Variants in PRKD3 observed in about 807,000 individuals in gnomAD.
PRKD3 encodes the protein serine/threonine-protein kinase D3.
A neutral mutation model predicts 99.2 loss-of-function variants in PRKD3; 47 were observed. The ratio of observed to expected loss-of-function variants is 0.47; its 90% confidence interval spans 0.38 to 0.60. PRKD3 has a LOEUF of 0.60. PRKD3 is among the 20% of genes least tolerant of loss of function. The probability of loss-of-function intolerance (pLI) is 0.00; values close to 1 mark genes in which losing one functional copy is unlikely to be tolerated. For missense variants in PRKD3, 1,019 were observed against 1,088.4 expected (o/e 0.94, Z 0.90); for synonymous variants, 392 against 355.4 (o/e 1.10, Z -1.16).
At chr2:37,318,851 C>T (rs144647077) in intron 1 of PRKD3, among the ~76,000 whole-genome samples, 291 of 152,230 alleles carry the variant, frequency 1.9e-3, no homozygotes, top group Middle Eastern at 3.4e-3. Flanking sequence ...ATTTGTAGAG[C>T]GGTTTCAAGT....
chr2:37,324,168 G>T (rs555190680), intron 1 of PRKD3: 1 of 985,224 alleles, frequency 1.0e-6, no homozygotes, highest in Admixed American at 6.1e-5. Flanking sequence ...GGGGCGAGGG[G>T]CTTACATTCT....
At position 37,279,829 on chromosome 2, in the gene PRKD3, T is replaced by C. The variant is rs1248086894; in HGVS notation, c.1089A>G (p.Pro363=). 4 of 1,613,840 alleles carry C rather than the reference T, an allele frequency of 2.5e-6. No individual in the cohort carries two copies. The highest frequency in any genetic ancestry group is 3.4e-6 in the Non-Finnish European group (4 of 1,179,900). Residue 363 remains proline (P), a synonymous_variant, in exon 8 of 19, where the codon CCA becomes CCG. Coordinates refer to ENST00000234179, the MANE Select transcript of PRKD3 (RefSeq NM_005813.6). ...AGAACATCTTATCTTCTGGGGGTGA[T>C]GGCTCTTCTGTGTCATCCAAACCCC... ...SSRGLDDTEE[P]SPPEDKMFFL... is the part of the protein sequence containing the mutation.
intron 11 of PRKD3, among the ~76,000 whole-genome samples, chr2:37,273,992 T>C (rs1669434735): frequency 6.6e-6 from 1 of 152,260 alleles, no homozygotes; most frequent in Non-Finnish European, 1.5e-5. Context: ...CTTTATTGCC[T>C]GTTTATATCC....
Position 37,267,516 on chromosome 2 carries a change from T to A in PRKD3, c.1798A>T (p.Arg600Trp). 1 of 1,608,704 alleles carries A rather than the reference T, an allele frequency of 6.2e-7. No homozygotes were observed. Among genetic ancestry groups the A allele is most frequent in the South Asian group, 1.1e-5 (1 of 90,150 alleles). Residue 600 changes from arginine (R) to tryptophan (W), a missense_variant, in exon 14 of 19, where the codon AGG becomes TGG. Arg to Trp is a moderately radical substitution (Grantham distance 101). Transcript: ENST00000234179. Reference sequence around the variant, plus strand: ...TCAATTACTTTAATAGCCACATCCCTCCCAGTCTTTCTATGTTTTCCTATT... The same window carrying A: ...TCAATTACTTTAATAGCCACATCCCACCCAGTCTTTCTATGTTTTCCTATT... ...VYGGKHRKTG[R>W]DVAIKVIDKM...
At chr2:37,320,421 G>C (rs115751764) in intron 1 of PRKD3, among the ~76,000 whole-genome samples, 1 of 128,698 alleles carries the variant, frequency 7.8e-6, no homozygotes, top group Non-Finnish European at 1.6e-5. Flanking sequence ...GCAAGTTAAC[G>C]ACTTTTTTTT....
At chr2:37,307,707 G>C (rs6733861) in intron 2 of PRKD3, among the ~76,000 whole-genome samples, 1 of 152,088 alleles carries the variant, frequency 6.6e-6, no homozygotes, top group Non-Finnish European at 1.5e-5. Context: ...AGGAAGCTAA[G>C]TTTTGGCTTA....
chr2:37,293,259 C>T lies in PRKD3; in HGVS notation c.301G>A (p.Gly101Arg). Residue 101 changes from glycine to arginine, a missense_variant, in exon 3 of 19, where the codon GGA becomes AGA. Physicochemically the swap from Gly to Arg is moderately radical, Grantham distance 125. Transcript: ENST00000234179. Reference sequence around the variant, plus strand: ...ATTTTGTCATACATGCCAAAGAATCCACACTCTGGAAACTGAGGGATAATA... The same window carrying T: ...ATTTTGTCATACATGCCAAAGAATCTACACTCTGGAAACTGAGGGATAATA... ...SIVYQKFPEC[G>R]FFGMYDKILL... 1 of 1,594,506 alleles carries T rather than the reference C, an allele frequency of 6.3e-7. No individual in the cohort carries two copies. The highest frequency in any genetic ancestry group is 8.6e-7 in the Non-Finnish European group (1 of 1,164,698).
chr2:37,264,455 A>G (rs76485699), intron 14 of PRKD3, among the ~76,000 whole-genome samples: 3,359 of 151,350 alleles, frequency 0.022, 54 homozygotes, highest in Middle Eastern at 0.034. Flanking sequence ...ATAAAATAGT[A>G]AATTACCTAG....
At position 37,252,174 on chromosome 2, in the gene PRKD3, G is replaced by A. The variant is rs1667553778; in HGVS notation, c.*1003C>T. ...CTCCAGATATCTGCAAAGCCCAATA[G>A]GCTAGGGGAAGGAGAAAAAAGGATA... On this transcript the variant is annotated 3_prime_UTR_variant, in exon 19 of 19. Coordinates refer to ENST00000234179, the MANE Select transcript of PRKD3 (RefSeq NM_005813.6). 6.6e-6 allele frequency: 1 copy of A among 152,156 alleles called. No homozygotes were observed. Among genetic ancestry groups the A allele is most frequent in the African/African-American group, 2.4e-5 (1 of 41,412 alleles). The allele number at this position is 152,156 out of a possible 1,614,324, so 9.4% of individuals were successfully genotyped here.
chr2:37,316,774 G>T lies in PRKD3; in HGVS notation c.-250C>A. On this transcript the variant is annotated 5_prime_UTR_variant, in exon 2 of 19. Coordinates refer to ENST00000234179, the MANE Select transcript of PRKD3 (RefSeq NM_005813.6). ...GTCTTGTCTGTAGGAAGACAACCAG[G>T]GATTTGTAAAGGATTTAACATCACT... 7.5e-7 allele frequency: 1 copy of T among 1,329,114 alleles called. No individual in the cohort carries two copies. The highest frequency in any genetic ancestry group is 9.6e-7 in the Non-Finnish European group (1 of 1,041,818). The allele number at this position is 1,329,114 out of a possible 1,614,324, so 82.3% of individuals were successfully genotyped here.
intron 18 of PRKD3, among the ~76,000 whole-genome samples, chr2:37,253,680 G>C (rs1330333101): frequency 6.6e-6 from 1 of 152,078 alleles, no homozygotes; most frequent in African/African-American, 2.4e-5. Context: ...TACTCAAAGT[G>C]GGGGAAAGTG....
At chr2:37,299,534 ACACAC>A in intron 2 of PRKD3, among the ~76,000 whole-genome samples, 1 of 151,068 alleles carries the variant, frequency 6.6e-6, no homozygotes, top group East Asian at 2.0e-4. Context: ...ACACACACAC[ACACAC>A]ACACACACAC....
chr2:37,301,774 G>A (rs1670942015), intron 2 of PRKD3, among the ~76,000 whole-genome samples: 1 of 152,218 alleles, frequency 6.6e-6, no homozygotes, highest in Non-Finnish European at 1.5e-5. Flanking sequence ...GTTCAGAAAA[G>A]CAGCAGAGGT....
chr2:37,255,539 G>A lies in PRKD3; in HGVS notation c.2413+1123C>T, dbSNP rs185435820. ...CCTTCACTAGGCAGGAAAAAGAGAT[G>A]TATGCAGCTTCCCAGCAGAGGTCCA... On this transcript the variant is annotated intron_variant, in intron 17 of 18. Coordinates refer to ENST00000234179, the MANE Select transcript of PRKD3 (RefSeq NM_005813.6). Among the ~76,000 whole-genome samples the A allele has an allele frequency of 2.0e-5, 3 of 152,288 alleles. No individual in the cohort carries two copies. The East Asian group carries it at 5.8e-4, about 29-fold the overall frequency.
intron 12 of PRKD3, 25 bp from the exon 13 acceptor site, chr2:37,269,712 G>A (rs770923486): frequency 2.0e-6 from 3 of 1,512,938 alleles, no homozygotes; most frequent in Non-Finnish European, 2.7e-6. Context: ...TAAGGAGTTA[G>A]TATTATTTAT....
chr2:37,320,945 C>T (rs912993339), intron 1 of PRKD3, among the ~76,000 whole-genome samples: 3 of 152,172 alleles, frequency 2.0e-5, no homozygotes, highest in Non-Finnish European at 4.4e-5. Context: ...TTTCTGCCCA[C>T]TCTTTCCATT....
rs1403694544 is a variant in PRKD3 at position 37,289,481 on chromosome 2, A to G, written c.592T>C (p.Phe198Leu). 6.2e-7 allele frequency: 1 copy of G among 1,613,716 alleles called. No homozygotes were observed. Among genetic ancestry groups the G allele is most frequent in the East Asian group, 2.2e-5 (1 of 44,870 alleles). The change falls in exon 5 of 19, where the codon TTC becomes CTC. Residue 198 changes from phenylalanine to leucine, a missense_variant. Physicochemically the swap from Phe to Leu is conservative, Grantham distance 22. This residue lies in a region of PRKD3 where 710 missense variants were observed against 692.7 expected (regional missense o/e 1.02). Transcript: ENST00000234179. ...CGLNYHKRCA[F>L]KIPNNCSGVR... is the part of the protein sequence containing the mutation. ...CCACTACAGTTATTTGGAATCTTGA[A>G]GGCACATCGTTTATGGTAATTTAAT...
chr2:37,307,167 A>G (rs6761515), intron 2 of PRKD3, among the ~76,000 whole-genome samples: 6,783 of 152,240 alleles, frequency 0.045, 162 homozygotes, highest in African/African-American at 0.051. Context: ...AAATGTTCCC[A>G]GGGGGTCAAA....
rs79728102 is a variant in PRKD3 at position 37,302,823 on chromosome 2, T to C, written c.289-9552A>G. On this transcript the variant is annotated intron_variant, in intron 2 of 18. Transcript: ENST00000234179. ...TGCCTCAAGCCTCCCCAAGTGCTGA[T>C]GATAGAGACAGAAGGCAGAGAAATA... is the stretch of plus-strand genomic sequence containing the variant. 4.8e-3 allele frequency among the ~76,000 whole-genome samples: 733 copies of C among 152,182 alleles called. 8 individuals carry two copies. The highest frequency in any genetic ancestry group is 0.016 in the African/African-American group (669 of 41,524).
Sources: allele counts gnomAD v4.1 joint callset (sites outside exome capture counted in the v4.1 genomes callset), GRCh38; gene constraint gnomAD v4.1.1; regional missense constraint gnomAD v4.1.1; transcripts MANE v1.5; gene names NCBI Gene and HGNC (gene_info 2026-07-23, HGNC 2026-07-21).